RSPH14: variants seen among roughly 807,000 people sequenced by gnomAD.
The protein encoded by RSPH14 is radial spoke head 14 homolog.
RSPH14 carries 20 observed loss-of-function variants against 26.7 expected under a neutral mutation model. The ratio of observed to expected loss-of-function variants is 0.75; its 90% CI spans 0.53 to 1.09. The LOEUF is 1.09. RSPH14 is among the 50% of genes least tolerant of loss of function. The pLI is 0.00. For synonymous variants in RSPH14, 177 were observed against 189.3 expected (o/e 0.93, Z 0.53); for missense variants, 449 against 457.2 (o/e 0.98, Z 0.16).
intron 4 of RSPH14, among the ~76,000 whole-genome samples, chr22:23,077,355 G>A (rs1267822112): frequency 6.6e-6 from 1 of 152,128 alleles, no homozygotes; most frequent in Non-Finnish European, 1.5e-5. Flanking sequence ...AGTGACCTCA[G>A]GGTCCAACCC....
upstream of RSPH14, chr22:23,146,651 T>G: frequency 6.2e-7 from 1 of 1,614,046 alleles, no homozygotes; most frequent in Non-Finnish European, 8.5e-7. Context: ...GGGCCCCCTG[T>G]GAGCCGCGAC....
the RSPH14 span, among the ~76,000 whole-genome samples, chr22:23,158,588 C>T: frequency 6.6e-6 from 1 of 152,180 alleles, no homozygotes; most frequent in Non-Finnish European, 1.5e-5. Flanking sequence ...GTGAGGGAGG[C>T]GGGGGTGATG....
chr22:23,096,375 A>T, intron 4 of RSPH14: 1 of 1,612,832 alleles, frequency 6.2e-7, no homozygotes, highest in Non-Finnish European at 8.5e-7. Flanking sequence ...TTCTGTGTGG[A>T]GCTCAGCGGC....
chr22:23,122,188 G>T (rs1326421055), intron 4 of RSPH14, among the ~76,000 whole-genome samples: 1 of 152,218 alleles, frequency 6.6e-6, no homozygotes, highest in East Asian at 1.9e-4. Flanking sequence ...TATTCATTTT[G>T]CAGGGAAGTG....
chr22:23,149,349 A>AT (rs1049785282), upstream of RSPH14, among the ~76,000 whole-genome samples: 7 of 151,734 alleles, frequency 4.6e-5, no homozygotes, highest in East Asian at 1.9e-4. Context: ...GTTTAATCTC[A>AT]TTTTTTTCTA....
intron 4 of RSPH14, 96 bp from the exon 5 acceptor site, chr22:23,064,229 C>A (rs925721952): frequency 7.7e-6 from 9 of 1,165,170 alleles, no homozygotes; most frequent in Non-Finnish European, 1.1e-5. Context: ...CTTGCAGAAC[C>A]AGTGGGTGGG....
chr22:23,161,849 GGGTC>G, the RSPH14 span: 1 of 438,128 alleles, frequency 2.3e-6, no homozygotes, highest in Admixed American at 3.8e-5. Flanking sequence ...TCCATTTGCA[GGGTC>G]ATCAGACAGT....
chr22:23,119,427 T>A (rs1436147273), intron 4 of RSPH14, among the ~76,000 whole-genome samples: 1 of 152,224 alleles, frequency 6.6e-6, no homozygotes, highest in Non-Finnish European at 1.5e-5. Context: ...TTCTTCAGCC[T>A]CCCGCTCTGT....
intron 4 of RSPH14, among the ~76,000 whole-genome samples, chr22:23,109,930 G>A (rs747010221): frequency 2.9e-4 from 44 of 152,298 alleles, no homozygotes; most frequent in Non-Finnish European, 5.6e-4. Context: ...TGCTGTCCCC[G>A]CAGACTGGCT....
At chr22:23,120,719 C>T (rs1025478192) in intron 4 of RSPH14, among the ~76,000 whole-genome samples, 1 of 152,042 alleles carries the variant, frequency 6.6e-6, no homozygotes, top group Non-Finnish European at 1.5e-5. Flanking sequence ...ACGCCCTTCC[C>T]AACCCCGGAG....
chr22:23,135,282 G>A (rs1420534868), intron 3 of RSPH14, among the ~76,000 whole-genome samples: 4 of 144,472 alleles, frequency 2.8e-5, no homozygotes, highest in Admixed American at 1.4e-4. Flanking sequence ...GACCATCCTG[G>A]CTAACACAGT....
the RSPH14 span, among the ~76,000 whole-genome samples, chr22:23,158,504 G>A: frequency 2.6e-5 from 4 of 152,172 alleles, no homozygotes; most frequent in Non-Finnish European, 5.9e-5. Flanking sequence ...GCTGGGAATC[G>A]GCCAGCTACT....
At chr22:23,152,317 C>T in the RSPH14 span, 1 of 782,170 alleles carries the variant, frequency 1.3e-6, no homozygotes, top group Non-Finnish European at 2.2e-6. Context: ...AGGGGGAACA[C>T]AGTGTCTCAG....
intron 4 of RSPH14, among the ~76,000 whole-genome samples, chr22:23,110,815 C>T (rs1444912500): frequency 6.6e-6 from 1 of 152,214 alleles, no homozygotes; most frequent in African/African-American, 2.4e-5. Context: ...TCATTGACTC[C>T]TGAGAGCTCA....
chr22:23,094,642 C>T (rs910705244), intron 4 of RSPH14, among the ~76,000 whole-genome samples: 3 of 152,234 alleles, frequency 2.0e-5, no homozygotes, highest in African/African-American at 7.2e-5. Flanking sequence ...TCACGGTGCT[C>T]CCACAGCCTG....
Position 23,072,182 on chromosome 22 carries a change from T to G in RSPH14, c.422-8049A>C, listed in dbSNP as rs186985003. Among the ~76,000 whole-genome samples, 16 of 152,220 alleles carry G rather than the reference T, an allele frequency of 1.1e-4. No homozygotes were observed. In the East Asian group the frequency reaches 3.1e-3, roughly 29 times the overall value. On this transcript the variant is annotated intron_variant, in intron 4 of 6. Transcript: ENST00000216036. ...CTGGGTAACCACCCAGGCAACCCCCTTGTTAGGATTGAGTTGCCTGTTTCG... is the reference window on the plus strand; with the variant it reads ...CTGGGTAACCACCCAGGCAACCCCCGTGTTAGGATTGAGTTGCCTGTTTCG...
chr22:23,128,536 C>T (rs763979324), intron 4 of RSPH14, among the ~76,000 whole-genome samples: 3 of 152,212 alleles, frequency 2.0e-5, no homozygotes, highest in Admixed American at 6.5e-5. Flanking sequence ...TGTGGGTGAG[C>T]GCAGCAGCTT....
Position 23,088,729 on chromosome 22 carries a change from G to A in RSPH14, c.422-24596C>T, listed in dbSNP as rs539021273. Among the ~76,000 whole-genome samples the A allele has an allele frequency of 7.9e-5, 12 of 152,320 alleles. No homozygotes were observed. The East Asian group carries it at 1.2e-3, about 15-fold the overall frequency. ...TGGACACCACTGGTCCCCACATTGA[G>A]GCTAGAGAGTCCTGCAGGTTCAGGG... On this transcript the variant is annotated intron_variant, in intron 4 of 6. Transcript: ENST00000216036.
intron 4 of RSPH14, among the ~76,000 whole-genome samples, chr22:23,109,494 G>T (rs915367037): frequency 1.1e-4 from 16 of 152,184 alleles, no homozygotes; most frequent in Admixed American, 7.2e-4. Flanking sequence ...CCAAGTGAGG[G>T]TCTCAAGACC....
Sources: allele counts gnomAD v4.1 joint callset (sites outside exome capture counted in the v4.1 genomes callset), GRCh38; gene constraint gnomAD v4.1.1; transcripts MANE v1.5; gene names NCBI Gene and HGNC (gene_info 2026-07-23, HGNC 2026-07-21).